Variants in STK11 observed in about 807,000 individuals in gnomAD.
STK11 encodes serine/threonine-protein kinase STK11.
Under a neutral mutation model 47.3 loss-of-function variants are expected in STK11, and 8 were observed. That is an observed-to-expected ratio of 0.17 (90% CI 0.10 to 0.31). The LOEUF is 0.31. Ranked by LOEUF, STK11 falls within the 10% of genes least tolerant of loss-of-function variation. The probability of loss-of-function intolerance (pLI) is 1.00; values close to 1 mark genes in which losing one functional copy is unlikely to be tolerated. For missense variants in STK11, 475 were observed against 605.0 expected, an observed-to-expected ratio of 0.79 and a Z score of 2.25; for synonymous variants, 330 against 255.8, an observed-to-expected ratio of 1.29 and a Z score of -2.77.
At chr19:1,225,384 C>A in intron 8 of STK11, 1 of 847,894 alleles carries the variant, frequency 1.2e-6, no homozygotes, top group Non-Finnish European at 1.4e-6. Context: ...GCAATTCTGC[C>A]TCAGCCTCCT....
At chr19:1,208,506 C>T (rs1242767244) in intron 1 of STK11, among the ~76,000 whole-genome samples, 1 of 150,452 alleles carries the variant, frequency 6.6e-6, no homozygotes, top group African/African-American at 2.4e-5. Flanking sequence ...GACGGGGTTT[C>T]ACCGTGTTAG....
intron 1 of STK11, among the ~76,000 whole-genome samples, chr19:1,213,668 A>T (rs532154256): frequency 6.6e-6 from 1 of 152,328 alleles, no homozygotes; most frequent in African/African-American, 2.4e-5. Context: ...TTGACTGCTC[A>T]TCTGTGGCTG....
chr19:1,228,241 C>A lies in STK11; in HGVS notation c.*665C>A. 6.8e-6 allele frequency: 4 copies of A among 586,448 alleles called. No individual in the cohort carries two copies. The highest frequency in any genetic ancestry group is 6.8e-6 in the Non-Finnish European group (3 of 441,674). 36.3% of individuals were successfully genotyped at this position (586,448 alleles called of 1,614,324 possible). On this transcript the variant is annotated 3_prime_UTR_variant, in exon 10 of 10. Coordinates refer to ENST00000326873, the MANE Select transcript of STK11 (RefSeq NM_000455.5). ...CAGGACCCTCACCTCTCCCCCAAGG[C>A]CACTGCGCTCTTGGGACCCCAGAGA...
chr19:1,221,828 C>A, intron 6 of STK11, 121 bp from the exon 7 acceptor site: 3 of 1,171,270 alleles, frequency 2.6e-6, no homozygotes, highest in Non-Finnish European at 3.7e-6. Flanking sequence ...TGCGCGGGGT[C>A]CCCCTTAGGA....
intron 1 of STK11, among the ~76,000 whole-genome samples, chr19:1,215,907 T>G (rs942861420): frequency 3.3e-5 from 5 of 151,984 alleles, no homozygotes; most frequent in African/African-American, 1.2e-4. Context: ...CGGCTAATTT[T>G]TGTATTTTTA....
intron 1 of STK11, among the ~76,000 whole-genome samples, chr19:1,215,041 G>C (rs776026302): frequency 6.6e-6 from 1 of 152,206 alleles, no homozygotes; most frequent in African/African-American, 2.4e-5. Context: ...CTTCATCAGC[G>C]GGGGAGGTTA....
chr19:1,223,748 C>T (rs1599930025), intron 8 of STK11: 2 of 1,041,316 alleles, frequency 1.9e-6, no homozygotes, highest in East Asian at 5.7e-5. Context: ...GCAGTAGTGC[C>T]TGAGGAGGAG....
At position 1,228,416 on chromosome 19, in the gene STK11, G is replaced by A. The variant is rs948625531; in HGVS notation, c.*840G>A. Reference sequence around the variant, plus strand: ...CCGCCCAAATTTGGCAATAAATAAAGCTTGGGAAGCTTGGACCTGGCCGTC... The same window carrying A: ...CCGCCCAAATTTGGCAATAAATAAAACTTGGGAAGCTTGGACCTGGCCGTC... On this transcript the variant is annotated 3_prime_UTR_variant, in exon 10 of 10. Transcript: ENST00000326873. 8 of 211,340 alleles carry A rather than the reference G, an allele frequency of 3.8e-5. No individual in the cohort carries two copies. Among genetic ancestry groups the A allele is most frequent in the African/African-American group, 6.8e-5 (3 of 44,020 alleles). 13.1% of individuals were successfully genotyped at this position (211,340 alleles called of 1,614,324 possible).
At chr19:1,226,040 C>T (rs1022475204) in intron 8 of STK11, 64 of 1,024,978 alleles carry the variant, frequency 6.2e-5, no homozygotes, top group Non-Finnish European at 7.3e-5. Flanking sequence ...GCCTGGCCCT[C>T]CTGTGTCCTC....
At chr19:1,209,307 G>T (rs573481006) in intron 1 of STK11, among the ~76,000 whole-genome samples, 1 of 152,302 alleles carries the variant, frequency 6.6e-6, no homozygotes, top group African/African-American at 2.4e-5. Flanking sequence ...TAGGGGCCGG[G>T]CGCGGTGGCT....
At chr19:1,217,620 A>T (rs944219531) in intron 1 of STK11, among the ~76,000 whole-genome samples, 17 of 151,992 alleles carry the variant, frequency 1.1e-4, no homozygotes, top group Admixed American at 2.0e-4. Context: ...GTGTGGCAGG[A>T]CCCCACAATG....
intron 8 of STK11, chr19:1,223,720 A>G (rs1270819976): frequency 9.6e-7 from 1 of 1,041,162 alleles, no homozygotes; most frequent in African/African-American, 1.7e-5. Context: ...CAGGAGAGGA[A>G]GCCTCTCGGC....
At chr19:1,225,603 C>T in intron 8 of STK11, 1 of 985,508 alleles carries the variant, frequency 1.0e-6, no homozygotes, top group Non-Finnish European at 1.2e-6. Flanking sequence ...ACTTCCTGTG[C>T]ACATGGGGTG....
intron 8 of STK11, 79 bp downstream of exon 8, chr19:1,223,251 G>A (rs1193080047): frequency 1.1e-5 from 16 of 1,496,874 alleles, no homozygotes; most frequent in Admixed American, 9.7e-5. Flanking sequence ...CTGCCTGTCT[G>A]CAACAAGGAC....
chr19:1,219,117 C>T (rs575230357), intron 2 of STK11, among the ~76,000 whole-genome samples: 18 of 152,244 alleles, frequency 1.2e-4, no homozygotes, highest in African/African-American at 4.3e-4. Flanking sequence ...TCAGCCCTGT[C>T]CTCCCCTTCC....
chr19:1,212,196 C>A (rs942390186), intron 1 of STK11, among the ~76,000 whole-genome samples: 21 of 150,316 alleles, frequency 1.4e-4, no homozygotes, highest in Non-Finnish European at 1.8e-4. Flanking sequence ...GTCGGGGAAT[C>A]AGTGAGGCGG....
Position 1,227,731 on chromosome 19 carries a change from G to C in STK11, c.*155G>C, listed in dbSNP as rs777590954. On this transcript the variant is annotated 3_prime_UTR_variant, in exon 10 of 10. Coordinates refer to ENST00000326873, the MANE Select transcript of STK11 (RefSeq NM_000455.5). The stretch of plus-strand genomic sequence containing the variant: ...GACCTCCGGAGCGCCCTGCAGGGCC[G>C]GGCAGGGGGACAGCAGGGACCGGGC... 7 of 1,071,728 alleles carry C rather than the reference G, an allele frequency of 6.5e-6. No individual in the cohort carries two copies. In the African/African-American group the frequency reaches 9.8e-5, roughly 15 times the overall value. 66.4% of individuals were successfully genotyped at this position (1,071,728 alleles called of 1,614,324 possible). A position where few individuals can be genotyped will look rare whatever the true frequency, so the allele number is the denominator to read the frequency against.
At position 1,206,133 on chromosome 19, in the gene STK11, A is replaced by AG. The variant is rs2080662770; in HGVS notation, c.-775dup. On this transcript the variant is annotated 5_prime_UTR_variant, in exon 1 of 10. An upstream open reading frame in the 5' UTR gains an earlier in-frame stop. Coordinates refer to ENST00000326873, the MANE Select transcript of STK11 (RefSeq NM_000455.5). ...CGCGCTCGGGCAGACGTTTGCGGGG[A>AG]GGGGGGCGCCTGCCGGGCCCCGGCG... The AG allele has an allele frequency of 6.9e-6, 1 of 144,866 alleles. No homozygotes were observed. The highest frequency in any genetic ancestry group is 6.8e-5 in the Admixed American group (1 of 14,698). The allele number at this position is 144,866 out of a possible 1,614,324, so 9.0% of individuals were successfully genotyped here. A position where few individuals can be genotyped will look rare whatever the true frequency, so the allele number is the denominator to read the frequency against.
intron 9 of STK11, chr19:1,226,945 G>A (rs762449494): frequency 9.1e-6 from 4 of 439,890 alleles, no homozygotes; most frequent in South Asian, 3.2e-5. Flanking sequence ...GGTGCATTCC[G>A]AGGACCCTGC....
Sources: gnomAD v4.1 joint callset for allele counts (sites outside exome capture counted in the v4.1 genomes callset) on GRCh38, gnomAD v4.1.1 for gene constraint, MANE v1.5 for transcripts, NCBI Gene and HGNC (gene_info 2026-07-23, HGNC 2026-07-21) for gene names.